Variants in SEC24D observed in about 807,000 individuals in gnomAD.
The protein encoded by SEC24D is SEC24 homolog D, COPII component.
A neutral mutation model predicts 116.9 loss-of-function variants in SEC24D; 69 were observed. The observed-to-expected ratio is 0.59, with a 90% CI of 0.49 to 0.72. The LOEUF (loss-of-function observed/expected upper bound fraction) is 0.72, where lower values mean the gene tolerates loss of function less well. Among genes scored for constraint, SEC24D ranks in the 30% least tolerant of loss-of-function variants. The pLI, the probability that SEC24D is intolerant of heterozygous loss-of-function variation, is 0.00. For missense variants in SEC24D, 1,131 were observed against 1,264.1 expected (o/e 0.89, Z 1.60); for synonymous variants, 405 against 442.8 (o/e 0.91, Z 1.07).
chr4:118,728,495 G>A, intron 22 of SEC24D, 66 bp downstream of exon 22: 1 of 875,278 alleles, frequency 1.1e-6, no homozygotes, highest in Non-Finnish European at 1.8e-6. Flanking sequence ...TATAGGGTGT[G>A]CATGTTAAGT....
At chr4:118,824,479 G>A (rs908723822) in intron 3 of SEC24D, 141 bp downstream of exon 3, 3 of 863,674 alleles carry the variant, frequency 3.5e-6, no homozygotes, top group African/African-American at 1.7e-5. Context: ...TCCTAGGGCA[G>A]TTATCTAACA....
chr4:118,780,632 C>A (rs989860249), intron 8 of SEC24D, among the ~76,000 whole-genome samples: 2 of 152,158 alleles, frequency 1.3e-5, no homozygotes, highest in East Asian at 3.9e-4. Flanking sequence ...TGGTGCAGAG[C>A]TGAGTTCAAG....
chr4:118,731,548 C>T (rs1560603952), intron 20 of SEC24D, 41 bp from the exon 21 acceptor site: 2 of 1,543,860 alleles, frequency 1.3e-6, no homozygotes, highest in Non-Finnish European at 1.8e-6. Flanking sequence ...CTCCTTTCTT[C>T]CCCTTCCCTT....
intron 3 of SEC24D, among the ~76,000 whole-genome samples, chr4:118,823,630 G>A (rs1280448156): frequency 1.3e-5 from 2 of 152,182 alleles, no homozygotes; most frequent in African/African-American, 4.8e-5. Flanking sequence ...ACACCTCACC[G>A]GATAAACAAT....
intron 11 of SEC24D, among the ~76,000 whole-genome samples, chr4:118,755,431 G>A (rs1035392673): frequency 2.1e-5 from 3 of 144,580 alleles, no homozygotes; most frequent in African/African-American, 7.7e-5. Flanking sequence ...CATTTGGAAC[G>A]TTTTAGTTAC....
chr4:118,800,585 C>T (rs1729389955), intron 7 of SEC24D, among the ~76,000 whole-genome samples: 1 of 152,040 alleles, frequency 6.6e-6, no homozygotes. Flanking sequence ...CAGGCTGAAT[C>T]CAGTCCTTGA....
chr4:118,727,730 C>T (rs1433376275), intron 22 of SEC24D, among the ~76,000 whole-genome samples: 1 of 151,906 alleles, frequency 6.6e-6, no homozygotes, highest in Non-Finnish European at 1.5e-5. Context: ...TAAACTGAAC[C>T]ATAGGTGCTG....
intron 8 of SEC24D, among the ~76,000 whole-genome samples, chr4:118,775,363 A>AAAG (rs1417371892): frequency 6.6e-6 from 1 of 151,692 alleles, no homozygotes; most frequent in African/African-American, 2.4e-5. Context: ...AAAAAAAAAA[A>AAAG]AAGAAGAAAT....
intron 8 of SEC24D, among the ~76,000 whole-genome samples, chr4:118,794,938 C>T: frequency 6.6e-6 from 1 of 151,960 alleles, no homozygotes; most frequent in South Asian, 2.1e-4. Flanking sequence ...CTATCATTTA[C>T]ATTTACATAC....
intron 7 of SEC24D, among the ~76,000 whole-genome samples, chr4:118,800,021 A>G (rs1729360895): frequency 1.3e-5 from 2 of 152,148 alleles, no homozygotes; most frequent in South Asian, 2.1e-4. Context: ...CTTACTGTGG[A>G]AATATACTTG....
At chr4:118,775,632 T>TCAGA (rs981124766) in intron 8 of SEC24D, among the ~76,000 whole-genome samples, 4 of 152,038 alleles carry the variant, frequency 2.6e-5, no homozygotes, top group African/African-American at 4.8e-5. Context: ...TCAGCAGGTT[T>TCAGA]CAGACAGACA....
chr4:118,824,645 G>A lies in SEC24D; in HGVS notation c.223C>T (p.His75Tyr). 3 of 1,604,158 alleles carry A rather than the reference G, an allele frequency of 1.9e-6. No individual in the cohort carries two copies. Among genetic ancestry groups the A allele is most frequent in the African/African-American group, 1.3e-5 (1 of 74,318 alleles). Residue 75 changes from histidine (H) to tyrosine (Y), a missense_variant, in exon 3 of 23, where the codon CAT becomes TAT. Transcript: ENST00000280551. ...CTTTGGGGAGGGTGACCAGTGGCATGAGCTCCATTCTGACCAAACTGATGG... is the reference window on the plus strand; with the variant it reads ...CTTTGGGGAGGGTGACCAGTGGCATAAGCTCCATTCTGACCAAACTGATGG... The part of the protein sequence containing the change: ...GPHQFGQNGA[H>Y]ATGHPPQRFP...
intron 8 of SEC24D, among the ~76,000 whole-genome samples, chr4:118,793,611 A>T (rs929206055): frequency 6.6e-6 from 1 of 152,196 alleles, no homozygotes; most frequent in Non-Finnish European, 1.5e-5. Context: ...ATGCCCAAAA[A>T]GGAAGACATT....
chr4:118,792,790 G>C (rs1187345528), intron 8 of SEC24D, among the ~76,000 whole-genome samples: 1 of 152,022 alleles, frequency 6.6e-6, no homozygotes, highest in Non-Finnish European at 1.5e-5. Context: ...GAAAACCAGA[G>C]ACCTTTGTTC....
chr4:118,748,097 C>G (rs1726631749), intron 13 of SEC24D, among the ~76,000 whole-genome samples: 1 of 152,142 alleles, frequency 6.6e-6, no homozygotes, highest in African/African-American at 2.4e-5. Flanking sequence ...AACCCCATCT[C>G]TACTAAAAAT....
rs1391853659 is a variant in SEC24D at position 118,735,048 on chromosome 4, C to G, written c.2497-2136G>C. Among the ~76,000 whole-genome samples the G allele has an allele frequency of 2.6e-5, 4 of 152,172 alleles. No individual in the cohort carries two copies. The East Asian group carries it at 7.7e-4, about 29-fold the overall frequency. The stretch of plus-strand genomic sequence containing the variant: ...GTTTGAAAATATCAGATTGAAATTT[C>G]ACTGGTTGCTTCTAATTAATGAGGT... On this transcript the variant is annotated intron_variant, in intron 19 of 22. Transcript: ENST00000280551.
rs182271314 is a variant in SEC24D at position 118,739,641 on chromosome 4, T to C, written c.2239-354A>G. On this transcript the variant is annotated intron_variant, in intron 17 of 22. Transcript: ENST00000280551. The stretch of plus-strand genomic sequence containing the variant: ...CAATACCTTCATGTGCTCAGAGCCC[T>C]ACTCAAGGCTCACTTTCTTAAAAAC... Among the ~76,000 whole-genome samples the C allele has an allele frequency of 2.0e-5, 3 of 152,350 alleles. No homozygotes were observed. The East Asian group carries it at 5.8e-4, about 29-fold the overall frequency.
Position 118,752,038 on chromosome 4 carries a change from A to G in SEC24D, c.1665T>C (p.Thr555=), listed in dbSNP as rs1292396374. Residue 555 remains threonine (T), a synonymous_variant, in exon 13 of 23, where the codon ACT becomes ACC. Coordinates refer to ENST00000280551, the MANE Select transcript of SEC24D (RefSeq NM_014822.4). Reference sequence around the variant, plus strand: ...CAGCCTGGATGACAGGAGCAAAGACAGTCTCATTTTCATTAGAGTCTGCAA... The same window carrying G: ...CAGCCTGGATGACAGGAGCAAAGACGGTCTCATTTTCATTAGAGTCTGCAA... The part of the protein sequence containing the change: ...DMFADSNENE[T]VFAPVIQAGM... The G allele has an allele frequency of 2.5e-6, 4 of 1,613,408 alleles. No homozygotes were observed. The South Asian group carries it at 4.4e-5, about 18-fold the overall frequency.
chr4:118,761,038 C>T (rs1038187443), intron 10 of SEC24D, among the ~76,000 whole-genome samples: 3 of 151,922 alleles, frequency 2.0e-5, no homozygotes, highest in South Asian at 4.2e-4. Context: ...TTTTAATTTT[C>T]GGGGGAATTA....
Sources: gnomAD v4.1 joint callset for allele counts (sites outside exome capture counted in the v4.1 genomes callset) on GRCh38, gnomAD v4.1.1 for gene constraint, MANE v1.5 for transcripts, NCBI Gene and HGNC (gene_info 2026-07-23, HGNC 2026-07-21) for gene names.